Variants in COX10 observed in about 807,000 individuals in gnomAD.
COX10 encodes the protein cytochrome c oxidase assembly factor heme A:farnesyltransferase COX10, also known as protoheme IX farnesyltransferase, mitochondrial.
A neutral mutation model predicts 37.3 loss-of-function variants in COX10; 27 were observed. That is an observed-to-expected ratio of 0.72 (90% CI 0.53 to 1.00). The LOEUF (loss-of-function observed/expected upper bound fraction) is 1.00. Ranked by LOEUF, COX10 falls within the 50% of genes least tolerant of loss-of-function variation. The pLI is 0.00. For synonymous variants in COX10, 222 were observed against 229.1 expected, an observed-to-expected ratio of 0.97 and a Z score of 0.28; for missense variants, 475 against 563.2, an observed-to-expected ratio of 0.84 and a Z score of 1.59.
intron 5 of COX10, among the ~76,000 whole-genome samples, chr17:14,171,261 A>G (rs8081191): frequency 0.053 from 8,010 of 152,336 alleles, 270 homozygotes; most frequent in African/African-American, 0.084. Context: ...GGTAAATAAC[A>G]TGGTCTTCAT....
intron 3 of COX10, among the ~76,000 whole-genome samples, chr17:14,094,853 A>G (rs1046187295): frequency 2.6e-5 from 4 of 152,228 alleles, no homozygotes; most frequent in African/African-American, 9.6e-5. Flanking sequence ...TGCATTTGAT[A>G]TAGTCAGAAA....
intron 4 of COX10, among the ~76,000 whole-genome samples, chr17:14,155,939 A>G (rs1465476334): frequency 1.3e-5 from 2 of 152,040 alleles, no homozygotes; most frequent in Non-Finnish European, 2.9e-5. Flanking sequence ...CATAGGGATC[A>G]ATCCAAAATA....
At chr17:14,087,543 T>G (rs992365645) in intron 3 of COX10, among the ~76,000 whole-genome samples, 6 of 152,162 alleles carry the variant, frequency 3.9e-5, no homozygotes, top group African/African-American at 1.4e-4. Flanking sequence ...ATTCATCACC[T>G]AACAGTTTCA....
chr17:14,161,938 G>A (rs1391918916), intron 5 of COX10, among the ~76,000 whole-genome samples: 2 of 152,072 alleles, frequency 1.3e-5, no homozygotes, highest in Non-Finnish European at 2.9e-5. Flanking sequence ...CATCCTATTG[G>A]TTCTGTATCC....
intron 4 of COX10, among the ~76,000 whole-genome samples, chr17:14,111,401 A>G (rs1916004484): frequency 6.6e-6 from 1 of 152,196 alleles, no homozygotes; most frequent in Non-Finnish European, 1.5e-5. Context: ...ATGTAGAGAT[A>G]GGATGAAACA....
chr17:14,094,867 T>C (rs1430936750), intron 3 of COX10, among the ~76,000 whole-genome samples: 1 of 152,222 alleles, frequency 6.6e-6, no homozygotes, highest in Non-Finnish European at 1.5e-5. Context: ...TCAGAAACTG[T>C]TGTGTCTGTA....
rs984612967 is a variant in COX10, at chr17:14,076,973, A to T, written c.416A>T (p.Glu139Val). ...ATAGATGTAGGGAAAGAGACAAAAG[A>T]GGAAAAGCGGTGGAAAGAGATGAAG... The part of the protein sequence containing the change: ...DSIDVGKETK[E>V]EKRWKEMKLQ... The change falls in exon 3 of 7, where the codon GAG becomes GTG. Residue 139 changes from glutamate (E) to valine (V), a missense_variant. Coordinates refer to ENST00000261643, the MANE Select transcript of COX10 (RefSeq NM_001303.4). 3 of 1,613,066 alleles carry T rather than the reference A, an allele frequency of 1.9e-6. No individual in the cohort carries two copies. Among genetic ancestry groups the T allele is most frequent in the Admixed American group, 3.3e-5 (2 of 59,898 alleles).
At chr17:14,198,246 C>T (rs1253106455) in intron 6 of COX10, among the ~76,000 whole-genome samples, 1 of 152,148 alleles carries the variant, frequency 6.6e-6, no homozygotes, top group African/African-American at 2.4e-5. Flanking sequence ...GCCCAGCCGA[C>T]ATTCCAGCTG....
At chr17:14,077,145 A>G (rs1915175846) in intron 3 of COX10, 89 bp downstream of exon 3, 12 of 1,264,510 alleles carry the variant, frequency 9.5e-6, no homozygotes, top group Non-Finnish European at 1.3e-5. Context: ...TGAAAAGAAT[A>G]ATTTGGAACT....
intron 6 of COX10, among the ~76,000 whole-genome samples, chr17:14,196,287 GC>G (rs1906364523): frequency 6.6e-6 from 1 of 152,200 alleles, no homozygotes; most frequent in African/African-American, 2.4e-5. Context: ...GGAGAGGCAG[GC>G]AGGTAATCAA....
intron 5 of COX10, among the ~76,000 whole-genome samples, chr17:14,186,588 A>G (rs969495301): frequency 2.6e-5 from 4 of 151,862 alleles, no homozygotes; most frequent in Non-Finnish European, 5.9e-5. Flanking sequence ...CCACCACTAC[A>G]GCATCAGTGC....
chr17:14,077,196 T>C, intron 3 of COX10, 140 bp downstream of exon 3: 1 of 749,002 alleles, frequency 1.3e-6, no homozygotes, highest in East Asian at 2.7e-5. Context: ...TCAATTTAAC[T>C]GGGATTTGAA....
At chr17:14,091,721 T>C (rs920979428) in intron 3 of COX10, among the ~76,000 whole-genome samples, 1 of 152,184 alleles carries the variant, frequency 6.6e-6, no homozygotes. Context: ...TTCTGCAAAA[T>C]AAGCACAGGT....
intron 4 of COX10, among the ~76,000 whole-genome samples, chr17:14,152,852 G>C (rs1004772739): frequency 6.6e-6 from 1 of 152,146 alleles, no homozygotes; most frequent in Non-Finnish European, 1.5e-5. Flanking sequence ...AAAAGCTCGG[G>C]GATCAGCTGC....
chr17:14,192,857 G>C (rs998351732), intron 6 of COX10, among the ~76,000 whole-genome samples: 1 of 152,080 alleles, frequency 6.6e-6, no homozygotes, highest in Non-Finnish European at 1.5e-5. Flanking sequence ...GTTTTTGACC[G>C]ACACTTAGGA....
intron 4 of COX10, among the ~76,000 whole-genome samples, chr17:14,113,155 A>G (rs375966444): frequency 4.4e-4 from 67 of 152,288 alleles, no homozygotes; most frequent in African/African-American, 1.5e-3. Context: ...TTCATTCATT[A>G]AAATGTCAAC....
chr17:14,112,712 G>C (rs191060926), intron 4 of COX10, among the ~76,000 whole-genome samples: 3 of 152,260 alleles, frequency 2.0e-5, no homozygotes, highest in African/African-American at 7.2e-5. Context: ...CAAAAGGTTA[G>C]ATGGGTTTTT....
chr17:14,156,049 C>T (rs748003040), intron 4 of COX10, among the ~76,000 whole-genome samples: 3 of 152,298 alleles, frequency 2.0e-5, no homozygotes, highest in South Asian at 4.1e-4. Context: ...CATCCAGCAA[C>T]ACTCATGATA....
At chr17:14,096,205 TG>T (rs1273394721) in intron 3 of COX10, among the ~76,000 whole-genome samples, 6 of 152,112 alleles carry the variant, frequency 3.9e-5, no homozygotes, top group African/African-American at 1.4e-4. Flanking sequence ...TCATGAGGGC[TG>T]GGCCACCATG....
Sources: gnomAD v4.1 joint callset for allele counts (sites outside exome capture counted in the v4.1 genomes callset) on GRCh38, gnomAD v4.1.1 for gene constraint, MANE v1.5 for transcripts, NCBI Gene and HGNC (gene_info 2026-07-23, HGNC 2026-07-21) for gene names.